C1orf198: variants seen among roughly 807,000 people sequenced by gnomAD.
C1orf198 encodes the protein uncharacterized protein C1orf198.
Under a neutral mutation model 31.4 loss-of-function variants are expected in C1orf198, and 17 were observed. The observed-to-expected ratio is 0.54, with a 90% CI of 0.37 to 0.81. The LOEUF (loss-of-function observed/expected upper bound fraction) is 0.81, where lower values mean the gene tolerates loss of function less well. Among genes scored for constraint, C1orf198 ranks in the 40% least tolerant of loss-of-function variants. C1orf198 has a pLI of 0.00. For missense variants in C1orf198, 401 were observed against 450.3 expected (o/e 0.89, Z 0.99); for synonymous variants, 175 against 193.8 (o/e 0.90, Z 0.81).
intron 2 of C1orf198, 45 bp downstream of exon 2, chr1:230,855,623 G>C (rs748211993): frequency 6.3e-7 from 1 of 1,593,736 alleles, no homozygotes; most frequent in South Asian, 1.1e-5. Context: ...CAACTACTCA[G>C]TTCTTTTTAA....
In C1orf198 at chr1:230,868,392, T is replaced by C. The variant is rs369977427; in HGVS notation, c.121A>G (p.Arg41Gly). Reference sequence around the variant, plus strand: ...TTCTCCTTGTCCTGCATGATCTTCCTGGCCATGGGGCTCAGCGACGAGAAG... The same window carrying C: ...TTCTCCTTGTCCTGCATGATCTTCCCGGCCATGGGGCTCAGCGACGAGAAG... ...TYFSSLSPMA[R>G]KIMQDKEKIR... The change falls in exon 1 of 4, where the codon AGG becomes GGG. Residue 41 changes from arginine (R) to glycine (G), a missense_variant. Arg to Gly is a moderately radical substitution (Grantham distance 125). Transcript: ENST00000366663. The C allele has an allele frequency of 1.3e-6, 2 of 1,598,058 alleles. No individual in the cohort carries two copies. The highest frequency in any genetic ancestry group is 8.5e-7 in the Non-Finnish European group (1 of 1,172,894).
At chr1:230,844,419 A>G (rs1027334597) in intron 2 of C1orf198, among the ~76,000 whole-genome samples, 1 of 152,068 alleles carries the variant, frequency 6.6e-6, no homozygotes, top group Non-Finnish European at 1.5e-5. Flanking sequence ...CCAGAAGCCA[A>G]GCAGATGCCG....
intron 1 of C1orf198, among the ~76,000 whole-genome samples, chr1:230,865,849 T>C (rs1670108017): frequency 6.6e-6 from 1 of 152,234 alleles, no homozygotes; most frequent in Non-Finnish European, 1.5e-5. Context: ...ATTTGCATGC[T>C]CTGACTTAAA....
At position 230,857,132 on chromosome 1, in the gene C1orf198, C is replaced by A. The variant is rs1669894982; in HGVS notation, c.334-1414G>T. On this transcript the variant is annotated intron_variant, in intron 1 of 3. Transcript: ENST00000366663. The surrounding 1 kb of genome is among the most constrained non-coding windows in gnomAD (Gnocchi z 4.2). ...CATGAACAGCCAGTGGGAGGTCAGT[C>A]TTTGAACTCAAATAACGAAGGCATG... 6.6e-6 allele frequency among the ~76,000 whole-genome samples: 1 copy of A among 152,152 alleles called. No homozygotes were observed. The highest frequency in any genetic ancestry group is 1.5e-5 in the Non-Finnish European group (1 of 68,030).
At chr1:230,861,055 G>T (rs1278966118) in intron 1 of C1orf198, among the ~76,000 whole-genome samples, 3 of 152,200 alleles carry the variant, frequency 2.0e-5, no homozygotes, top group African/African-American at 4.8e-5. Flanking sequence ...ATCAGTGGCT[G>T]CCAGAGCCTG....
At position 230,840,877 on chromosome 1, in the gene C1orf198, G is replaced by A. The variant is rs1330677699; in HGVS notation, c.928-969C>T. 1.3e-5 allele frequency among the ~76,000 whole-genome samples: 2 copies of A among 152,220 alleles called. No individual in the cohort carries two copies. The highest frequency in any genetic ancestry group is 4.8e-5 in the African/African-American group (2 of 41,452). On this transcript the variant is annotated intron_variant, in intron 3 of 3. Transcript: ENST00000366663. The surrounding 1 kb of genome is among the most constrained non-coding windows in gnomAD (Gnocchi z 4.0). ...AGGCAAAACATGCAGAATGGAAGGA[G>A]TGCAATCCAGTTTTCCTTGTTCTGG...
intron 1 of C1orf198, among the ~76,000 whole-genome samples, chr1:230,864,075 C>T (rs1273178819): frequency 6.6e-6 from 1 of 152,136 alleles, no homozygotes; most frequent in Non-Finnish European, 1.5e-5. Context: ...AGAGGCCACA[C>T]AGCAGCCAAA....
upstream of C1orf198, chr1:230,868,591 G>A: frequency 9.5e-7 from 1 of 1,051,864 alleles, no homozygotes; most frequent in Non-Finnish European, 1.2e-6. Flanking sequence ...GCCACCCGGA[G>A]CCCCGCCCCC....
At chr1:230,867,368 T>C (rs1320787274) in intron 1 of C1orf198, among the ~76,000 whole-genome samples, 1 of 152,230 alleles carries the variant, frequency 6.6e-6, no homozygotes, top group Non-Finnish European at 1.5e-5. Context: ...GAGCTTTTTC[T>C]GGAACAGATT....
rs1184673620 is a variant in C1orf198 at position 230,839,190 on chromosome 1, T to TAAAAA, written c.*661_*662insTTTTT. 8.5e-5 allele frequency: 13 copies of TAAAAA among 152,290 alleles called. No homozygotes were observed. Among genetic ancestry groups the TAAAAA allele is most frequent in the African/African-American group, 3.1e-4 (13 of 41,462 alleles). The allele number at this position is 152,290 out of a possible 1,614,324, so 9.4% of individuals were successfully genotyped here. A position where few individuals can be genotyped will look rare whatever the true frequency, so the allele number is the denominator to read the frequency against. Reference sequence around the variant, plus strand: ...AACTCTTTAAACATGCAACTCTTTTTAAACAACAATCCATACTCTGAATAT... The same window carrying TAAAAA: ...AACTCTTTAAACATGCAACTCTTTTTAAAAAAAACAACAATCCATACTCTGAATAT... On this transcript the variant is annotated 3_prime_UTR_variant, in exon 4 of 4. Coordinates refer to ENST00000366663, the MANE Select transcript of C1orf198 (RefSeq NM_032800.3).
At chr1:230,845,333 C>T (rs938162578) in intron 2 of C1orf198, among the ~76,000 whole-genome samples, 5 of 151,752 alleles carry the variant, frequency 3.3e-5, no homozygotes, top group African/African-American at 9.7e-5. Flanking sequence ...CAGTGAGCCA[C>T]GATTGCATCA....
At chr1:230,845,031 C>T (rs1195472105) in intron 2 of C1orf198, among the ~76,000 whole-genome samples, 1 of 152,086 alleles carries the variant, frequency 6.6e-6, no homozygotes, top group African/African-American at 2.4e-5. Context: ...TCTCTCTTCC[C>T]TCACCATTTC....
At chr1:230,839,985 AT>A (rs1400666127) in intron 3 of C1orf198, 77 bp from the exon 4 acceptor site, 13 of 1,299,548 alleles carry the variant, frequency 1.0e-5, no homozygotes, top group Non-Finnish European at 1.3e-5. Context: ...ACAGCATCTC[AT>A]TTAAAACGAC....
At chr1:230,841,372 G>A (rs1048755747) in intron 3 of C1orf198, among the ~76,000 whole-genome samples, 23 of 152,210 alleles carry the variant, frequency 1.5e-4, no homozygotes, top group Admixed American at 4.6e-4. Context: ...GCCATCTGCC[G>A]AGGGAGGTGT....
chr1:230,864,788 A>G (rs1670080363), intron 1 of C1orf198, among the ~76,000 whole-genome samples: 1 of 152,128 alleles, frequency 6.6e-6, no homozygotes, highest in African/African-American at 2.4e-5. Flanking sequence ...AACTCTCACC[A>G]TGTACTCAGA....
Position 230,855,594 on chromosome 1 carries a change from A to C in C1orf198, c.384+74T>G, listed in dbSNP as rs567553478. On this transcript the variant is annotated intron_variant, in intron 2 of 3. Coordinates refer to ENST00000366663, the MANE Select transcript of C1orf198 (RefSeq NM_032800.3). Reference sequence around the variant, plus strand: ...GGGGGCTGTCTTCTGAGTCCATCAAATGCTGAAAGAAAAATATACAACTAC... The same window carrying C: ...GGGGGCTGTCTTCTGAGTCCATCAACTGCTGAAAGAAAAATATACAACTAC... 7.1e-5 allele frequency: 108 copies of C among 1,521,024 alleles called. No homozygotes were observed. In the African/African-American group the frequency reaches 1.4e-3, roughly 20 times the overall value. 94.2% of individuals were successfully genotyped at this position (1,521,024 alleles called of 1,614,324 possible). A position where few individuals can be genotyped will look rare whatever the true frequency, so the allele number is the denominator to read the frequency against.
chr1:230,865,440 T>C (rs902210680), intron 1 of C1orf198, among the ~76,000 whole-genome samples: 3 of 152,216 alleles, frequency 2.0e-5, no homozygotes, highest in Non-Finnish European at 4.4e-5. Flanking sequence ...GTAAAGATTA[T>C]GGGAGGATGA....
At chr1:230,859,643 G>T (rs1377303125) in intron 1 of C1orf198, among the ~76,000 whole-genome samples, 1 of 152,120 alleles carries the variant, frequency 6.6e-6, no homozygotes, top group Non-Finnish European at 1.5e-5. Flanking sequence ...AGAGCACTTG[G>T]CAATTATCAG....
Position 230,843,335 on chromosome 1 carries a change from G to A in C1orf198, c.927+19C>T, listed in dbSNP as rs201238238. On this transcript the variant is annotated intron_variant, in intron 3 of 3. Transcript: ENST00000366663. The surrounding 1 kb of genome is among the most constrained non-coding windows in gnomAD (Gnocchi z 4.9). ...AAGGCACCATCCCATCTGAGGACGC[G>A]CTGGTAAAGGCCACTCACCTGTGCA... 170 of 1,551,154 alleles carry A rather than the reference G, an allele frequency of 1.1e-4. No individual in the cohort carries two copies. In the Admixed American group the frequency reaches 2.2e-3, roughly 20 times the overall value.
Sources: gnomAD v4.1 joint callset for allele counts (sites outside exome capture counted in the v4.1 genomes callset) on GRCh38, gnomAD v4.1.1 for gene constraint, Gnocchi (gnomAD v3.1) non-coding constraint, MANE v1.5 for transcripts, NCBI Gene and HGNC (gene_info 2026-07-23, HGNC 2026-07-21) for gene names.